AIFM2: variants seen among roughly 807,000 people sequenced by gnomAD.
AIFM2 encodes AIF family member 2, ferroptosis suppressor.
A neutral mutation model predicts 35.7 loss-of-function variants in AIFM2; 38 were observed. The ratio of observed to expected loss-of-function variants is 1.06; its 90% CI spans 0.82 to 1.39. AIFM2 has a LOEUF of 1.39. Ranked by LOEUF, AIFM2 falls within the 40% of genes most tolerant of loss-of-function variation. AIFM2 has a pLI of 0.00. For synonymous variants in AIFM2, 185 were observed against 203.5 expected, an observed-to-expected ratio of 0.91 and a Z score of 0.77; for missense variants, 476 against 491.2, an observed-to-expected ratio of 0.97 and a Z score of 0.29.
At chr10:70,114,843 G>A (rs2072417330) in intron 8 of AIFM2, 77 bp downstream of exon 8, 2 of 1,492,012 alleles carry the variant, frequency 1.3e-6, no homozygotes, top group South Asian at 2.4e-5. Flanking sequence ...GGCCAGGTAT[G>A]GGATAGCCCA....
chr10:70,115,850 C>T (rs1281678782), intron 7 of AIFM2, among the ~76,000 whole-genome samples: 5 of 152,154 alleles, frequency 3.3e-5, no homozygotes, highest in South Asian at 2.1e-4. Flanking sequence ...TTTAAAGGGA[C>T]TTTTAAAAAC....
At position 70,113,209 on chromosome 10, in the gene AIFM2, C is replaced by A. The variant is rs1002859616; in HGVS notation, c.*969G>T. On this transcript the variant is annotated 3_prime_UTR_variant, in exon 9 of 9. Transcript: ENST00000307864. The stretch of plus-strand genomic sequence containing the variant: ...CTAGCTCTTTCTTCTTAAATGAAAC[C>A]TGTGGTATGGAGTAGGATCTAAAAG... 5.9e-5 allele frequency: 9 copies of A among 152,216 alleles called. No homozygotes were observed. Among genetic ancestry groups the A allele is most frequent in the African/African-American group, 1.9e-4 (8 of 41,454 alleles). 9.4% of individuals were successfully genotyped at this position (152,216 alleles called of 1,614,324 possible).
intron 6 of AIFM2, 97 bp from the exon 7 acceptor site, chr10:70,116,871 C>T: frequency 2.7e-6 from 4 of 1,500,496 alleles, no homozygotes; most frequent in South Asian, 2.4e-5. Context: ...GCCTGGACCT[C>T]TGGGGCCCAA....
chr10:70,124,142 G>C, intron 1 of AIFM2, 45 bp from the exon 2 acceptor site: 5 of 1,346,208 alleles, frequency 3.7e-6, no homozygotes, highest in Admixed American at 3.4e-5. Flanking sequence ...AGGGAGGCTG[G>C]GAGGGCTGGG....
chr10:70,117,115 C>T lies in AIFM2; in HGVS notation c.617-341G>A, dbSNP rs765908453. Among the ~76,000 whole-genome samples the T allele has an allele frequency of 3.9e-5, 6 of 152,194 alleles. No homozygotes were observed. The highest frequency in any genetic ancestry group is 5.9e-5 in the Non-Finnish European group (4 of 68,038). On this transcript the variant is annotated intron_variant, in intron 6 of 8. Transcript: ENST00000307864. This position sits in a 1 kb window ranked among gnomAD's most constrained non-coding sequence, Gnocchi z 4.7. ...GCCGTGCCATCCTAACTAGGCAGGA[C>T]GAGCGCTCCAAGTGCACCACGACAA...
intron 5 of AIFM2, among the ~76,000 whole-genome samples, chr10:70,119,353 G>A (rs1225304293): frequency 1.3e-5 from 2 of 152,196 alleles, no homozygotes; most frequent in African/African-American, 2.4e-5. Flanking sequence ...AGAAGCGTGG[G>A]TAAGCTGGGG....
At position 70,117,920 on chromosome 10, in the gene AIFM2, C is replaced by T. The variant is rs1228261089; in HGVS notation, c.508G>A (p.Val170Ile). 1 of 1,606,574 alleles carries T rather than the reference C, an allele frequency of 6.2e-7. No individual in the cohort carries two copies. The highest frequency in any genetic ancestry group is 1.1e-5 in the South Asian group (1 of 90,018). ...EIKTEYPEKE[V>I]TLIHSQVALA... is the part of the protein sequence containing the mutation. ...GCCACTTGGGAGTGAATGAGAGTGA[C>T]CTGAGGACAAAACGACCACAGGGCC... is the stretch of plus-strand genomic sequence containing the variant. The change falls in exon 6 of 9, where the codon GTC (valine) becomes ATC (isoleucine). Residue 170 changes from valine (V) to isoleucine (I), a missense_variant and splice_region_variant. By Grantham distance (29) the Val-to-Ile change is conservative. Transcript: ENST00000307864. The surrounding 1 kb of genome is among the most constrained non-coding windows in gnomAD (Gnocchi z 4.7).
intron 1 of AIFM2, among the ~76,000 whole-genome samples, 190 bp from the exon 2 acceptor site, chr10:70,124,287 C>A (rs2072542708): frequency 1.3e-5 from 2 of 152,176 alleles, no homozygotes; most frequent in Non-Finnish European, 2.9e-5. Context: ...ACTTCCAGCC[C>A]ATTCCCCAAA....
chr10:70,132,088 GGT>G (rs547551237), intron 1 of AIFM2, among the ~76,000 whole-genome samples: 5 of 150,024 alleles, frequency 3.3e-5, no homozygotes, highest in Admixed American at 6.6e-5. Context: ...TTGATCAGGT[GGT>G]GTTGGAAGGA....
chr10:70,113,887 G>A lies in AIFM2; in HGVS notation c.*291C>T, dbSNP rs993942632. The A allele has an allele frequency of 2.0e-5, 7 of 351,318 alleles. No individual in the cohort carries two copies. The highest frequency in any genetic ancestry group is 3.1e-5 in the Non-Finnish European group (6 of 191,092). 21.8% of individuals were successfully genotyped at this position (351,318 alleles called of 1,614,324 possible). On this transcript the variant is annotated 3_prime_UTR_variant, in exon 9 of 9. Coordinates refer to ENST00000307864, the MANE Select transcript of AIFM2 (RefSeq NM_032797.6). The stretch of plus-strand genomic sequence containing the variant: ...CCCAGAGGAGGCAGGTGCAGAGGAA[G>A]GGCTGGCTGTGGCCTCCCCAGCACC...
chr10:70,114,066 G>T lies in AIFM2; in HGVS notation c.*112C>A. ...TGCATTTCTAGCCACCACATCATTG[G>T]CATCTTATTCCAGAAGAATAGCATT... On this transcript the variant is annotated 3_prime_UTR_variant, in exon 9 of 9. Transcript: ENST00000307864. 1 of 1,342,614 alleles carries T rather than the reference G, an allele frequency of 7.4e-7. No homozygotes were observed. Among genetic ancestry groups the T allele is most frequent in the Non-Finnish European group, 1.0e-6 (1 of 1,002,422 alleles). 83.2% of individuals were successfully genotyped at this position (1,342,614 alleles called of 1,614,324 possible). A position where few individuals can be genotyped will look rare whatever the true frequency, so the allele number is the denominator to read the frequency against.
intron 3 of AIFM2, 77 bp downstream of exon 3, chr10:70,123,328 C>T: frequency 7.6e-7 from 1 of 1,317,810 alleles, no homozygotes; most frequent in Non-Finnish European, 1.1e-6. Flanking sequence ...CTAGCTCTCT[C>T]TTGACCCTGG....
Position 70,114,407 on chromosome 10 carries a change from C to T in AIFM2, c.971-78G>A, listed in dbSNP as rs151155152. Reference sequence around the variant, plus strand: ...GCACCTCCCAGAGTGCCGATCCTTCCCGAGGCCTTCAGACTCAGGGCCGGA... The same window carrying T: ...GCACCTCCCAGAGTGCCGATCCTTCTCGAGGCCTTCAGACTCAGGGCCGGA... On this transcript the variant is annotated intron_variant, in intron 8 of 8. Transcript: ENST00000307864. 5.3e-3 allele frequency: 8,371 copies of T among 1,567,452 alleles called. 36 individuals carry two copies. Among genetic ancestry groups the T allele is most frequent in the Non-Finnish European group, 6.6e-3 (7,591 of 1,154,804 alleles).
chr10:70,119,126 A>G (rs2072469679), intron 5 of AIFM2, among the ~76,000 whole-genome samples: 1 of 152,026 alleles, frequency 6.6e-6, no homozygotes, highest in Non-Finnish European at 1.5e-5. Flanking sequence ...ATGCACCCCA[A>G]CTCCATGGGG....
At chr10:70,120,985 C>T in intron 4 of AIFM2, 107 bp downstream of exon 4, 2 of 1,498,830 alleles carry the variant, frequency 1.3e-6, no homozygotes. Context: ...ATGGCTACAG[C>T]CAGCAGCTCT....
At chr10:70,121,254 A>AAT in intron 3 of AIFM2, 43 bp from the exon 4 acceptor site, 2 of 1,280,104 alleles carry the variant, frequency 1.6e-6, no homozygotes, top group South Asian at 1.4e-5. Flanking sequence ...AAAAAAAAAG[A>AAT]TGAGGGTAGG....
intron 1 of AIFM2, among the ~76,000 whole-genome samples, chr10:70,132,310 C>G (rs1399668122): frequency 6.6e-6 from 1 of 152,182 alleles, no homozygotes; most frequent in Non-Finnish European, 1.5e-5. Context: ...TGAGGTTTCT[C>G]CCTTTCCTCT....
Position 70,116,078 on chromosome 10 carries a change from A to G in AIFM2, c.769+544T>C, listed in dbSNP as rs112541796. ...GAATTGAGGACACAAAGCAACCACC[A>G]GGCCTGGCCACTGAGTCTCCTGCTC... is the stretch of plus-strand genomic sequence containing the variant. On this transcript the variant is annotated intron_variant, in intron 7 of 8. Transcript: ENST00000307864. 2.7e-4 allele frequency among the ~76,000 whole-genome samples: 41 copies of G among 152,274 alleles called. 1 individual carries two copies. The highest frequency in any genetic ancestry group is 9.6e-4 in the African/African-American group (40 of 41,548).
chr10:70,118,302 T>G (rs2072461186), intron 5 of AIFM2: 1 of 172,212 alleles, frequency 5.8e-6, no homozygotes. Flanking sequence ...TTGTTTAAAA[T>G]TAGTGCTTCC....
Sources: gnomAD v4.1 joint callset for allele counts (sites outside exome capture counted in the v4.1 genomes callset) on GRCh38, gnomAD v4.1.1 for gene constraint, Gnocchi (gnomAD v3.1) non-coding constraint, MANE v1.5 for transcripts, NCBI Gene and HGNC (gene_info 2026-07-23, HGNC 2026-07-21) for gene names.